The following MTREX variants were observed in gnomAD, a reference collection of about 807,000 sequenced individuals.
MTREX encodes Mtr4 exosome RNA helicase.
Under a neutral mutation model 135.4 loss-of-function variants are expected in MTREX, and 76 were observed. That is an observed-to-expected ratio of 0.56 (90% CI 0.47 to 0.68). The LOEUF (loss-of-function observed/expected upper bound fraction) is 0.68. Among genes scored for constraint, MTREX ranks in the 30% least tolerant of loss-of-function variants. The pLI, the probability that MTREX is intolerant of heterozygous loss-of-function variation, is 0.00. For missense variants in MTREX, 920 were observed against 1,262.1 expected, an observed-to-expected ratio of 0.73 and a Z score of 4.11; for synonymous variants, 404 against 401.6, an observed-to-expected ratio of 1.01 and a Z score of -0.07.
intron 16 of MTREX, among the ~76,000 whole-genome samples, chr5:55,373,594 T>C (rs991467002): frequency 7.9e-5 from 12 of 152,334 alleles, no homozygotes; most frequent in African/African-American, 2.9e-4. Flanking sequence ...AACTGATAAA[T>C]GTGTTTTTTT....
At chr5:55,399,734 A>G (rs919512938) in intron 20 of MTREX, among the ~76,000 whole-genome samples, 7 of 151,938 alleles carry the variant, frequency 4.6e-5, no homozygotes, top group East Asian at 3.9e-4. Flanking sequence ...TGATCCGCCC[A>G]CCTCGGCCTC....
chr5:55,334,530 A>G (rs1269015395), intron 5 of MTREX, among the ~76,000 whole-genome samples: 1 of 152,114 alleles, frequency 6.6e-6, no homozygotes, highest in African/African-American at 2.4e-5. Context: ...GGTTGTTTAT[A>G]TATGTAAAAC....
intron 19 of MTREX, among the ~76,000 whole-genome samples, chr5:55,394,070 C>T (rs905844778): frequency 6.6e-6 from 1 of 152,184 alleles, no homozygotes; most frequent in African/African-American, 2.4e-5. Flanking sequence ...TGTCTTCTTT[C>T]TGAATCTCGT....
intron 14 of MTREX, among the ~76,000 whole-genome samples, chr5:55,357,722 C>T (rs577140772): frequency 3.3e-5 from 5 of 152,138 alleles, no homozygotes; most frequent in African/African-American, 1.2e-4. Context: ...TTTTGAGTTA[C>T]AGTTTTTTTA....
In MTREX at chr5:55,417,368, G is replaced by C. The variant is rs543944605; in HGVS notation, c.2971+1236G>C. Among the ~76,000 whole-genome samples the C allele has an allele frequency of 2.6e-5, 4 of 152,220 alleles. No individual in the cohort carries two copies. In the South Asian group the frequency reaches 8.3e-4, roughly 32 times the overall value. On this transcript the variant is annotated intron_variant, in intron 25 of 26. Coordinates refer to ENST00000230640, the MANE Select transcript of MTREX (RefSeq NM_015360.5). ...ACAAGGAGACTATGGTAAACAGTTT[G>C]GCCAAGGTGATGTGAGGGCACGATG...
intron 15 of MTREX, among the ~76,000 whole-genome samples, chr5:55,361,457 A>G (rs1750007239): frequency 6.6e-6 from 1 of 152,212 alleles, no homozygotes; most frequent in Non-Finnish European, 1.5e-5. Context: ...TATATATTTG[A>G]GCATGTAAAT....
At chr5:55,360,746 A>G (rs1013055590) in intron 15 of MTREX, among the ~76,000 whole-genome samples, 1 of 152,158 alleles carries the variant, frequency 6.6e-6, no homozygotes, top group African/African-American at 2.4e-5. Flanking sequence ...TATTTCTTTT[A>G]TCAAGACTGG....
chr5:55,421,386 A>G (rs1160593545), intron 25 of MTREX, among the ~76,000 whole-genome samples: 3 of 152,224 alleles, frequency 2.0e-5, no homozygotes, highest in Non-Finnish European at 4.4e-5. Context: ...GTGGGCAACA[A>G]CCACAGTCAT....
chr5:55,366,743 A>T lies in MTREX; in HGVS notation c.1678A>T (p.Asn560Tyr). 6.2e-7 allele frequency: 1 copy of T among 1,603,672 alleles called. No individual in the cohort carries two copies. Among genetic ancestry groups the T allele is most frequent in the Non-Finnish European group, 8.5e-7 (1 of 1,175,116 alleles). ...QLLKGSADPL[N>Y]SAFHLTYNMV... The stretch of plus-strand genomic sequence containing the variant: ...CTCTTAGGGCTCCGCTGATCCTCTA[A>T]ATAGTGCTTTCCATTTGACCTACAA... Residue 560 changes from asparagine to tyrosine, a missense_variant, in exon 16 of 27, where the codon AAT becomes TAT. Coordinates refer to ENST00000230640, the MANE Select transcript of MTREX (RefSeq NM_015360.5).
At chr5:55,378,210 C>T (rs150584957) in intron 16 of MTREX, 104 bp from the exon 17 acceptor site, 13 of 1,313,194 alleles carry the variant, frequency 9.9e-6, no homozygotes, top group East Asian at 5.7e-5. Flanking sequence ...AAACAAAAAC[C>T]GCAACTACAC....
intron 19 of MTREX, among the ~76,000 whole-genome samples, chr5:55,389,207 A>G (rs1034433346): frequency 1.3e-5 from 2 of 152,198 alleles, no homozygotes; most frequent in African/African-American, 4.8e-5. Context: ...CTAACTATAA[A>G]TAAGGCTAAA....
At chr5:55,409,085 G>C (rs1056265431) in intron 22 of MTREX, among the ~76,000 whole-genome samples, 2 of 152,104 alleles carry the variant, frequency 1.3e-5, no homozygotes, top group Non-Finnish European at 2.9e-5. Context: ...CTGAGTAGCT[G>C]GGACTACAGG....
chr5:55,348,046 C>T (rs1364676750), intron 11 of MTREX, among the ~76,000 whole-genome samples: 1 of 152,188 alleles, frequency 6.6e-6, no homozygotes, highest in African/African-American at 2.4e-5. Context: ...ATGGGAACTA[C>T]AAGATGAGTT....
chr5:55,327,988 A>G (rs1373407931), intron 4 of MTREX, among the ~76,000 whole-genome samples: 1 of 152,198 alleles, frequency 6.6e-6, no homozygotes, highest in African/African-American at 2.4e-5. Context: ...AAAATATTAA[A>G]ATTATGATTC....
At chr5:55,354,101 A>G (rs568069085) in intron 14 of MTREX, among the ~76,000 whole-genome samples, 2 of 152,328 alleles carry the variant, frequency 1.3e-5, no homozygotes, top group South Asian at 4.1e-4. Flanking sequence ...ACAATTACCA[A>G]ACTTAAAATA....
rs1277987957 is a variant in MTREX, at chr5:55,400,377, C to A, written c.2437C>A (p.Pro813Thr). 1.2e-6 allele frequency: 2 copies of A among 1,609,948 alleles called. No individual in the cohort carries two copies. Among genetic ancestry groups the A allele is most frequent in the South Asian group, 1.1e-5 (1 of 90,344 alleles). ...GTATTCTCATCCACTTCACAATGAT[C>A]CAAATTTGGAAACTGTGTATACGCT... ...RMYSHPLHNDPNLETVYTLCE... is the reference protein window; with the variant it reads ...RMYSHPLHNDTNLETVYTLCE... The change falls in exon 21 of 27, where the codon CCA becomes ACA. Residue 813 changes from proline (P) to threonine (T), a missense_variant. Physicochemically the swap from Pro to Thr is conservative, Grantham distance 38. Around this residue, in one of 6 missense-constraint regions of MTREX, gnomAD observed 467 missense variants for 589.7 expected, o/e 0.79. Coordinates refer to ENST00000230640, the MANE Select transcript of MTREX (RefSeq NM_015360.5).
At chr5:55,352,635 A>G (rs1749847496) in intron 13 of MTREX, among the ~76,000 whole-genome samples, 1 of 152,204 alleles carries the variant, frequency 6.6e-6, no homozygotes, top group Admixed American at 6.5e-5. Flanking sequence ...TGCTATTGAG[A>G]TGATGAACTA....
At chr5:55,336,993 T>G (rs1749564561) in intron 5 of MTREX, among the ~76,000 whole-genome samples, 1 of 152,242 alleles carries the variant, frequency 6.6e-6, no homozygotes. Flanking sequence ...GGCATACTTC[T>G]TAAATGTTTG....
Position 55,366,822 on chromosome 5 carries a change from A to T in MTREX, c.1757A>T (p.Glu586Val). The T allele has an allele frequency of 6.2e-7, 1 of 1,610,152 alleles. No individual in the cohort carries two copies. The highest frequency in any genetic ancestry group is 8.5e-7 in the Non-Finnish European group (1 of 1,178,014). ...VEEINPEYMLEKSFYQFQHYR... is the reference protein window; with the variant it reads ...VEEINPEYMLVKSFYQFQHYR... Reference sequence around the variant, plus strand: ...GAAATTAATCCTGAGTACATGTTGGAAAAATCCTTCTACCAGTTTCAGCAT... The same window carrying T: ...GAAATTAATCCTGAGTACATGTTGGTAAAATCCTTCTACCAGTTTCAGCAT... The change falls in exon 16 of 27, where the codon GAA becomes GTA. Residue 586 changes from glutamate to valine, a missense_variant. Transcript: ENST00000230640.
Sources: gnomAD v4.1 joint callset for allele counts (sites outside exome capture counted in the v4.1 genomes callset) on GRCh38, gnomAD v4.1.1 for gene constraint, gnomAD v4.1.1 regional missense constraint, MANE v1.5 for transcripts, NCBI Gene and HGNC (gene_info 2026-07-23, HGNC 2026-07-21) for gene names.